The following PAQR5 variants were observed in gnomAD, a reference collection of about 807,000 sequenced individuals.
PAQR5 encodes the protein progestin and adipoQ receptor family member 5, also known as membrane progestin receptor gamma.
A neutral mutation model predicts 34.5 loss-of-function variants in PAQR5; 20 were observed. The observed-to-expected ratio is 0.58, with a 90% confidence interval of 0.41 to 0.84. The LOEUF is 0.84. Among genes scored for constraint, PAQR5 ranks in the 40% least tolerant of loss-of-function variants. The pLI is 0.00. For missense variants in PAQR5, 378 were observed against 412.7 expected, an observed-to-expected ratio of 0.92 and a Z score of 0.73; for synonymous variants, 131 against 155.6, an observed-to-expected ratio of 0.84 and a Z score of 1.18.
intron 7 of PAQR5, 191 bp downstream of exon 7, chr15:69,397,755 AAAT>A: frequency 1.7e-6 from 1 of 605,738 alleles, no homozygotes; most frequent in Non-Finnish European, 2.9e-6. Context: ...GAGACTGAGA[AAAT>A]AAATAAGAAG....
At chr15:69,374,194 A>C (rs1453942710) in intron 3 of PAQR5, among the ~76,000 whole-genome samples, 1 of 152,198 alleles carries the variant, frequency 6.6e-6, no homozygotes, top group Non-Finnish European at 1.5e-5. Context: ...GTTGGTTATT[A>C]ATTCAGCCTA....
chr15:69,362,421 T>C (rs1297604436), intron 3 of PAQR5, among the ~76,000 whole-genome samples: 1 of 152,212 alleles, frequency 6.6e-6, no homozygotes, highest in African/African-American at 2.4e-5. Context: ...TACCTGAGGA[T>C]TTGGGGGCAA....
intron 6 of PAQR5, among the ~76,000 whole-genome samples, chr15:69,392,509 C>T (rs2056302040): frequency 6.6e-6 from 1 of 152,136 alleles, no homozygotes; most frequent in Non-Finnish European, 1.5e-5. Flanking sequence ...TCTACACACC[C>T]GCCCACCCAT....
chr15:69,395,085 A>G (rs1250276266), intron 6 of PAQR5, among the ~76,000 whole-genome samples: 1 of 152,224 alleles, frequency 6.6e-6, no homozygotes, highest in Non-Finnish European at 1.5e-5. Context: ...GGGCCCTTTA[A>G]GAGCGAGCCT....
chr15:69,339,555 C>T (rs1441244575), intron 2 of PAQR5, among the ~76,000 whole-genome samples: 1 of 152,210 alleles, frequency 6.6e-6, no homozygotes. Context: ...TCACTGCAGC[C>T]TCTGCCTCCC....
intron 1 of PAQR5, among the ~76,000 whole-genome samples, chr15:69,307,549 C>T (rs551980068): frequency 2.0e-5 from 3 of 152,108 alleles, no homozygotes; most frequent in Non-Finnish European, 4.4e-5. Context: ...GAGATGAGGC[C>T]CTGAGGGTAG....
chr15:69,363,665 G>T (rs1007776020), intron 3 of PAQR5, among the ~76,000 whole-genome samples: 12 of 147,214 alleles, frequency 8.2e-5, no homozygotes, highest in African/African-American at 2.7e-4. Flanking sequence ...TCCTTCTCCT[G>T]CCTCAACCTC....
intron 1 of PAQR5, among the ~76,000 whole-genome samples, chr15:69,326,749 A>T (rs2054261350): frequency 6.6e-6 from 1 of 151,912 alleles, no homozygotes; most frequent in South Asian, 2.1e-4. Context: ...TTGTTTTCTT[A>T]ATAGACTTTA....
chr15:69,391,720 G>C (rs577807718), intron 6 of PAQR5: 1 of 455,838 alleles, frequency 2.2e-6, no homozygotes, highest in African/African-American at 2.0e-5. Flanking sequence ...ACAGGTTGAG[G>C]GGGCAGAGGA....
Position 69,399,985 on chromosome 15 carries a change from C to G in PAQR5, c.621C>G (p.Phe207Leu). The G allele has an allele frequency of 6.2e-7, 1 of 1,613,856 alleles. No individual in the cohort carries two copies. The highest frequency in any genetic ancestry group is 8.5e-7 in the Non-Finnish European group (1 of 1,179,822). The change falls in exon 8 of 9, where the codon TTC becomes TTG. Residue 207 changes from phenylalanine (F) to leucine (L), a missense_variant. Phe to Leu is a conservative substitution (Grantham distance 22, BLOSUM62 0). Transcript: ENST00000395407. ...TTAAACACCTGCAGCTATTCCTGTT[C>G]CCAGGGGAGAGTGCACAAAATGAAG... ...SLPIFYRLFL[F>L]PGESAQNEAT...
Position 69,360,056 on chromosome 15 carries a change from C to T in PAQR5, c.-25C>T. 1.2e-6 allele frequency: 2 copies of T among 1,609,690 alleles called. No individual in the cohort carries two copies. Among genetic ancestry groups the T allele is most frequent in the Non-Finnish European group, 1.7e-6 (2 of 1,176,188 alleles). On this transcript the variant is annotated 5_prime_UTR_variant, in exon 3 of 9. Transcript: ENST00000395407. ...GGTAACAGGGAGGCGCTGTCACCTA[C>T]TGGCCTTGCCAATCCAGCTCCAAGA...
intron 3 of PAQR5, among the ~76,000 whole-genome samples, chr15:69,362,976 C>T (rs1351722227): frequency 6.6e-6 from 1 of 152,200 alleles, no homozygotes; most frequent in African/African-American, 2.4e-5. Context: ...GCTTTCCTCT[C>T]CCCAACCTTT....
In PAQR5 at chr15:69,405,459, T is replaced by C. The variant is rs1237012100; in HGVS notation, c.*1637T>C. The C allele has an allele frequency of 6.5e-6, 1 of 152,984 alleles. No individual in the cohort carries two copies. Among genetic ancestry groups the C allele is most frequent in the Non-Finnish European group, 1.5e-5 (1 of 68,586 alleles). 9.5% of individuals were successfully genotyped at this position (152,984 alleles called of 1,614,324 possible). A position where few individuals can be genotyped will look rare whatever the true frequency, so the allele number is the denominator to read the frequency against. On this transcript the variant is annotated 3_prime_UTR_variant, in exon 9 of 9. Coordinates refer to ENST00000395407, the MANE Select transcript of PAQR5 (RefSeq NM_017705.4). ...TTTACTTCCTCTGGGGAAGGCAGAC[T>C]GATAAAATTATATGGGCTGGTAAAT... is the stretch of plus-strand genomic sequence containing the variant.
At chr15:69,329,450 T>G (rs1179177517) in intron 1 of PAQR5, among the ~76,000 whole-genome samples, 1 of 151,054 alleles carries the variant, frequency 6.6e-6, no homozygotes, top group Non-Finnish European at 1.5e-5. Context: ...TTACCTAAAT[T>G]TATTTTTTCT....
Position 69,403,915 on chromosome 15 carries a change from T to C in PAQR5, c.*93T>C. 2 of 1,276,638 alleles carry C rather than the reference T, an allele frequency of 1.6e-6. No individual in the cohort carries two copies. Among genetic ancestry groups the C allele is most frequent in the Non-Finnish European group, 2.2e-6 (2 of 922,024 alleles). The allele number at this position is 1,276,638 out of a possible 1,614,324, so 79.1% of individuals were successfully genotyped here. On this transcript the variant is annotated 3_prime_UTR_variant, in exon 9 of 9. Coordinates refer to ENST00000395407, the MANE Select transcript of PAQR5 (RefSeq NM_017705.4). ...GAGGTGGTTACAGCTTATCATGGCC[T>C]AAAATATTCATAATGGTTGGTGTCT...
chr15:69,373,635 G>T (rs370687036), intron 3 of PAQR5, among the ~76,000 whole-genome samples: 1 of 152,008 alleles, frequency 6.6e-6, no homozygotes, highest in Non-Finnish European at 1.5e-5. Flanking sequence ...TCAGAGTCTC[G>T]CTTTGTTGAC....
chr15:69,393,267 C>T (rs777868786), intron 6 of PAQR5, among the ~76,000 whole-genome samples: 8 of 150,368 alleles, frequency 5.3e-5, no homozygotes, highest in Non-Finnish European at 1.2e-4. Flanking sequence ...CCTGTCCTCC[C>T]CTCTCTTCAT....
At chr15:69,347,364 T>A (rs1180068130) in intron 2 of PAQR5, among the ~76,000 whole-genome samples, 1 of 152,212 alleles carries the variant, frequency 6.6e-6, no homozygotes, top group East Asian at 1.9e-4. Flanking sequence ...TTCTGTATTT[T>A]CCATTTTCTA....
chr15:69,395,146 G>A (rs1595939653), intron 6 of PAQR5, among the ~76,000 whole-genome samples: 1 of 152,304 alleles, frequency 6.6e-6, no homozygotes, highest in South Asian at 2.1e-4. Flanking sequence ...GGAGGGGGCG[G>A]CCTGCCGCGG....
Sources: allele counts gnomAD v4.1 joint callset (sites outside exome capture counted in the v4.1 genomes callset), GRCh38; gene constraint gnomAD v4.1.1; transcripts MANE v1.5; gene names NCBI Gene and HGNC (gene_info 2026-07-23, HGNC 2026-07-21).